Variants in TMEM44 observed in about 807,000 individuals in gnomAD.
The protein encoded by TMEM44 is transmembrane protein 44.
A neutral mutation model predicts 47.8 loss-of-function variants in TMEM44; 43 were observed. The observed-to-expected ratio is 0.90, with a 90% CI of 0.70 to 1.16. The LOEUF is 1.16. Among genes scored for constraint, TMEM44 ranks in the 50% most tolerant of loss-of-function variants. The probability of loss-of-function intolerance (pLI) is 0.00; values close to 1 mark genes in which losing one functional copy is unlikely to be tolerated. For missense variants in TMEM44, 568 were observed against 555.2 expected (o/e 1.02, Z -0.23); for synonymous variants, 277 against 238.8 (o/e 1.16, Z -1.48).
intron 1 of TMEM44, among the ~76,000 whole-genome samples, chr3:194,629,141 G>A (rs1429367769): frequency 1.3e-5 from 2 of 151,520 alleles, no homozygotes; most frequent in Non-Finnish European, 2.9e-5. Flanking sequence ...TCCAGCCTGG[G>A]TGACAAAGCG....
intron 9 of TMEM44, 130 bp from the exon 10 acceptor site, chr3:194,588,769 T>G: frequency 1.2e-6 from 1 of 844,110 alleles, no homozygotes; most frequent in Non-Finnish European, 1.9e-6. Flanking sequence ...GACAAAAGGG[T>G]AAGGACAAGT....
chr3:194,606,789 C>T (rs1313599701), intron 8 of TMEM44, among the ~76,000 whole-genome samples: 1 of 151,654 alleles, frequency 6.6e-6, no homozygotes, highest in African/African-American at 2.4e-5. Context: ...AAAATACACA[C>T]ACACAAAATA....
At chr3:194,617,735 G>A (rs993779605) in intron 5 of TMEM44, 27 of 703,964 alleles carry the variant, frequency 3.8e-5, no homozygotes, top group Non-Finnish European at 5.2e-6. Context: ...GTCCCCGCCA[G>A]ATCTCATGTT....
chr3:194,588,535 A>G lies in TMEM44; in HGVS notation c.1281T>C (p.Asp427=). 6.8e-6 allele frequency: 11 copies of G among 1,613,992 alleles called. No individual in the cohort carries two copies. Among genetic ancestry groups the G allele is most frequent in the Non-Finnish European group, 9.3e-6 (11 of 1,179,920 alleles). The change falls in exon 10 of 10, where the codon GAT becomes GAC. Residue 427 remains aspartate (D), a synonymous_variant. Coordinates refer to ENST00000347147, the MANE Select transcript of TMEM44 (RefSeq NM_001011655.3). ...DSVRTAHLSD[D]D ...GAGCTGGCTCCAGAAGGTGTTAATC[A>G]TCATCACTCAGGTGTGCTGTCCTCA...
intron 3 of TMEM44, among the ~76,000 whole-genome samples, chr3:194,625,368 C>G (rs1262552721): frequency 1.3e-5 from 2 of 151,590 alleles, no homozygotes; most frequent in African/African-American, 4.8e-5. Flanking sequence ...CTCCCTCTGG[C>G]TGCCCACAGT....
chr3:194,604,240 C>A (rs930886974), intron 9 of TMEM44, 47 bp downstream of exon 9: 1 of 1,555,332 alleles, frequency 6.4e-7, no homozygotes, highest in Non-Finnish European at 8.7e-7. Context: ...CAAGTGTCGG[C>A]GAACGATGGC....
intron 8 of TMEM44, among the ~76,000 whole-genome samples, chr3:194,606,932 G>A (rs1451424331): frequency 2.3e-5 from 3 of 129,528 alleles, no homozygotes; most frequent in Non-Finnish European, 4.7e-5. Context: ...CAGCCTGGGC[G>A]ACAGAGCGAG....
intron 9 of TMEM44, among the ~76,000 whole-genome samples, chr3:194,596,581 C>T (rs901193358): frequency 2.6e-5 from 4 of 152,078 alleles, no homozygotes; most frequent in South Asian, 4.2e-4. Context: ...CACCTGAGAT[C>T]GGGAGTTCAA....
intron 1 of TMEM44, among the ~76,000 whole-genome samples, chr3:194,631,768 C>T (rs539897301): frequency 1.3e-5 from 2 of 152,248 alleles, no homozygotes; most frequent in South Asian, 4.2e-4. Context: ...GACCTTAACC[C>T]AGCCCACACA....
At chr3:194,630,820 C>T (rs895893743) in intron 1 of TMEM44, among the ~76,000 whole-genome samples, 2 of 135,230 alleles carry the variant, frequency 1.5e-5, no homozygotes, top group Non-Finnish European at 1.6e-5. Context: ...TGGCTGTTTC[C>T]GTCGGCATCA....
In TMEM44 at chr3:194,633,344, A is replaced by G; in HGVS notation, c.-129T>C. The G allele has an allele frequency of 2.9e-6, 1 of 349,012 alleles. No homozygotes were observed. Among genetic ancestry groups the G allele is most frequent in the Non-Finnish European group, 4.1e-6 (1 of 246,328 alleles). 21.6% of individuals were successfully genotyped at this position (349,012 alleles called of 1,614,324 possible). A position where few individuals can be genotyped will look rare whatever the true frequency, so the allele number is the denominator to read the frequency against. ...CGTTCCGCCGCGGCGCCTCCGGCCG[A>G]GCGCACCGACCGCGGGCAGAGAAGG... On this transcript the variant is annotated 5_prime_UTR_variant, in exon 1 of 10. Transcript: ENST00000347147.
chr3:194,602,889 A>G (rs1714311788), intron 9 of TMEM44, among the ~76,000 whole-genome samples: 1 of 152,224 alleles, frequency 6.6e-6, no homozygotes, highest in South Asian at 2.1e-4. Context: ...TGGCTAATTG[A>G]TTATTTTGCC....
intron 1 of TMEM44, 81 bp from the exon 2 acceptor site, chr3:194,628,590 A>AC (rs1717430101): frequency 6.8e-6 from 10 of 1,467,824 alleles, no homozygotes; most frequent in Non-Finnish European, 9.1e-6. Context: ...GGCAACTGTG[A>AC]CCCCGCATCG....
In TMEM44 at chr3:194,599,905, A is replaced by G. The variant is rs1577163662; in HGVS notation, c.1176+4382T>C. Among the ~76,000 whole-genome samples, 9 of 151,270 alleles carry G rather than the reference A, an allele frequency of 5.9e-5. No individual in the cohort carries two copies. The South Asian group carries it at 1.9e-3, about 32-fold the overall frequency. ...CTCCCGAGTAGCTGGGATTACAGGC[A>G]TGCGCCACCATACCCGGCTAATTTT... is the stretch of plus-strand genomic sequence containing the variant. On this transcript the variant is annotated intron_variant, in intron 9 of 9. Coordinates refer to ENST00000347147, the MANE Select transcript of TMEM44 (RefSeq NM_001011655.3).
At chr3:194,599,590 T>TCTTTTC (rs59376816) in intron 9 of TMEM44, among the ~76,000 whole-genome samples, 9 of 137,724 alleles carry the variant, frequency 6.5e-5, no homozygotes, top group African/African-American at 2.4e-4. Context: ...TCTTTTCTTT[T>TCTTTTC]TTTTTTTTTT....
intron 7 of TMEM44, among the ~76,000 whole-genome samples, chr3:194,613,069 A>G (rs1418138438): frequency 6.6e-6 from 1 of 152,238 alleles, no homozygotes; most frequent in Non-Finnish European, 1.5e-5. Context: ...TGTAGAGGTC[A>G]TCTGTTTAAA....
intron 6 of TMEM44, chr3:194,616,561 T>C (rs746078466): frequency 4.4e-6 from 2 of 456,650 alleles, no homozygotes. Context: ...CAGGAGCCAC[T>C]AGCAGCTCCT....
chr3:194,589,551 C>G (rs1712339256), intron 9 of TMEM44: 1 of 147,144 alleles, frequency 6.8e-6, no homozygotes. Flanking sequence ...ACCTGAGGCT[C>G]AGCCGACTTG....
chr3:194,625,566 C>T (rs1157650805), intron 3 of TMEM44, among the ~76,000 whole-genome samples: 3 of 152,158 alleles, frequency 2.0e-5, no homozygotes, highest in Admixed American at 6.5e-5. Context: ...CTGCAACCTC[C>T]GCCTCCTGGG....
Sources: allele counts gnomAD v4.1 joint callset (sites outside exome capture counted in the v4.1 genomes callset), GRCh38; gene constraint gnomAD v4.1.1; transcripts MANE v1.5; gene names NCBI Gene and HGNC (gene_info 2026-07-23, HGNC 2026-07-21).